Variants in RECQL5 observed in about 807,000 individuals in gnomAD.
RECQL5 encodes RecQ like helicase 5.
A neutral mutation model predicts 103.4 loss-of-function variants in RECQL5; 88 were observed. That is an observed-to-expected ratio of 0.85 (90% CI 0.72 to 1.02). RECQL5 has a LOEUF of 1.02. Ranked by LOEUF, RECQL5 falls within the 50% of genes least tolerant of loss-of-function variation. The pLI is 0.00. For synonymous variants in RECQL5, 552 were observed against 507.9 expected, an observed-to-expected ratio of 1.09 and a Z score of -1.17; for missense variants, 1,232 against 1,284.3, an observed-to-expected ratio of 0.96 and a Z score of 0.62.
Position 75,662,506 on chromosome 17 carries a change from C to A in RECQL5, c.744G>T (p.Lys248Asn). ...CTTTATCAGCCTCCTGTCCAAGAGC[C>A]TTAAGGCAGAAGTCCTTCAGGTTCC... ...PYGNLKDFCL[K>N]ALGQEADKGL... Residue 248 changes from lysine to asparagine, a missense_variant, in exon 4 of 20, where the codon AAG (lysine) becomes AAT (asparagine). Lys to Asn is a moderately conservative substitution (Grantham distance 94). Transcript: ENST00000317905. The A allele has an allele frequency of 6.2e-7, 1 of 1,614,096 alleles. No individual in the cohort carries two copies. The highest frequency in any genetic ancestry group is 8.5e-7 in the Non-Finnish European group (1 of 1,180,004).
At chr17:75,644,464 A>AT (rs2059466644) in intron 8 of RECQL5, among the ~76,000 whole-genome samples, 1 of 151,834 alleles carries the variant, frequency 6.6e-6, no homozygotes, top group Admixed American at 6.6e-5. Flanking sequence ...AAAATTAGCC[A>AT]GGTGTGGTAG....
chr17:75,640,905 G>T lies in RECQL5; in HGVS notation c.1230-9237C>A. ...CAGCCGACACCACCATGACGGACGGGCGATGGCTGAGGAGAAGCTGGAGAG... is the reference window on the plus strand; with the variant it reads ...CAGCCGACACCACCATGACGGACGGTCGATGGCTGAGGAGAAGCTGGAGAG... On this transcript the variant is annotated intron_variant, in intron 8 of 19. Transcript: ENST00000317905. This position sits in a 1 kb window ranked among gnomAD's most constrained non-coding sequence, Gnocchi z 4.6. The T allele has an allele frequency of 1.3e-6, 2 of 1,542,124 alleles. No homozygotes were observed. The highest frequency in any genetic ancestry group is 8.7e-7 in the Non-Finnish European group (1 of 1,146,618).
intron 5 of RECQL5, 40 bp downstream of exon 5, chr17:75,661,566 C>T (rs2059699774): frequency 7.0e-7 from 1 of 1,419,886 alleles, no homozygotes; most frequent in Admixed American, 1.7e-5. Flanking sequence ...TAAGAAGCCT[C>T]TGAGGGTGAA....
intron 7 of RECQL5, among the ~76,000 whole-genome samples, chr17:75,657,832 G>T (rs972577643): frequency 6.6e-6 from 1 of 150,734 alleles, no homozygotes; most frequent in Non-Finnish European, 1.5e-5. Context: ...GGCGGATCAC[G>T]AGGTCATGAG....
intron 7 of RECQL5, among the ~76,000 whole-genome samples, chr17:75,653,360 T>C (rs1301074082): frequency 6.6e-6 from 1 of 152,194 alleles, no homozygotes; most frequent in Non-Finnish European, 1.5e-5. Context: ...GGCAGCCAAC[T>C]TCCTTCCTTG....
intron 6 of RECQL5, among the ~76,000 whole-genome samples, chr17:75,660,040 G>A (rs1053207871): frequency 6.6e-6 from 1 of 152,082 alleles, no homozygotes; most frequent in African/African-American, 2.4e-5. Flanking sequence ...TTAATGATGG[G>A]AATACATATT....
intron 1 of RECQL5, 116 bp from the exon 2 acceptor site, chr17:75,666,687 ATTATTT>A: frequency 2.0e-6 from 2 of 1,012,660 alleles, no homozygotes; most frequent in Non-Finnish European, 2.9e-6. Flanking sequence ...TAAATAATGT[ATTATTT>A]TTAAGTAATA....
intron 8 of RECQL5, among the ~76,000 whole-genome samples, chr17:75,648,183 C>T: frequency 6.6e-6 from 1 of 151,978 alleles, no homozygotes; most frequent in East Asian, 1.9e-4. Context: ...ACATGCTATT[C>T]TCATTGACCG....
intron 6 of RECQL5, among the ~76,000 whole-genome samples, chr17:75,659,403 G>A (rs139239733): frequency 3.9e-5 from 6 of 152,244 alleles, no homozygotes; most frequent in Admixed American, 2.0e-4. Context: ...TGTTGCACAC[G>A]CTAGAGTACA....
At chr17:75,628,178 C>T (rs2059137800) in intron 18 of RECQL5, 40 bp downstream of exon 18, 1 of 1,558,664 alleles carries the variant, frequency 6.4e-7, no homozygotes, top group Admixed American at 1.7e-5. Flanking sequence ...CCCACATACC[C>T]CAGGCATGGG....
intron 6 of RECQL5, among the ~76,000 whole-genome samples, chr17:75,659,945 G>C (rs1157130197): frequency 6.6e-6 from 1 of 152,186 alleles, no homozygotes; most frequent in Admixed American, 6.5e-5. Context: ...TAGACTATTA[G>C]TAAGCAATAA....
At chr17:75,663,352 G>T (rs2059724097) in intron 3 of RECQL5, among the ~76,000 whole-genome samples, 1 of 151,664 alleles carries the variant, frequency 6.6e-6, no homozygotes, top group African/African-American at 2.4e-5. Context: ...ACATGACGTT[G>T]TGCACATGTA....
At chr17:75,642,837 A>G (rs1211326895) in intron 8 of RECQL5, among the ~76,000 whole-genome samples, 3 of 152,212 alleles carry the variant, frequency 2.0e-5, no homozygotes, top group South Asian at 2.1e-4. Flanking sequence ...TCTACATTCA[A>G]CCAGCTGAAA....
chr17:75,650,641 C>CA (rs1451168579), intron 8 of RECQL5: 1 of 1,613,550 alleles, frequency 6.2e-7, no homozygotes, highest in East Asian at 2.2e-5. Context: ...TGCAGGCACT[C>CA]ACAGCTCCGC....
In RECQL5 at chr17:75,630,174, C is replaced by G; in HGVS notation, c.1812+10G>C. On this transcript the variant is annotated intron_variant, in intron 14 of 19. Coordinates refer to ENST00000317905, the MANE Select transcript of RECQL5 (RefSeq NM_004259.7). The stretch of plus-strand genomic sequence containing the variant: ...TGCAACGACCCTGGGTCCGCCTGCA[C>G]CAGGCCCACCTTCTTCAGCACGCTG... 1.3e-6 allele frequency: 2 copies of G among 1,539,700 alleles called. No individual in the cohort carries two copies. The highest frequency in any genetic ancestry group is 2.4e-5 in the South Asian group (2 of 82,336).
chr17:75,633,867 G>C, intron 8 of RECQL5: 3 of 994,568 alleles, frequency 3.0e-6, no homozygotes. Flanking sequence ...GAGTCGGGGA[G>C]AGGGAGAGGA....
chr17:75,634,886 C>A (rs1475667427), intron 8 of RECQL5, among the ~76,000 whole-genome samples: 1 of 152,194 alleles, frequency 6.6e-6, no homozygotes, highest in Non-Finnish European at 1.5e-5. Context: ...GGAGGGACCA[C>A]GCTGGCAACC....
intron 7 of RECQL5, among the ~76,000 whole-genome samples, chr17:75,657,556 T>G (rs1568281619): frequency 6.6e-6 from 1 of 151,758 alleles, no homozygotes; most frequent in African/African-American, 2.4e-5. Flanking sequence ...ATGAGACCAG[T>G]CTGGGCACCA....
chr17:75,650,695 T>C, intron 8 of RECQL5: 4 of 1,613,974 alleles, frequency 2.5e-6, no homozygotes, highest in Non-Finnish European at 3.4e-6. Flanking sequence ...CCTCAGACTC[T>C]TTCCGTGGCC....
Sources: allele counts gnomAD v4.1 joint callset (sites outside exome capture counted in the v4.1 genomes callset), GRCh38; gene constraint gnomAD v4.1.1; non-coding constraint Gnocchi (gnomAD v3.1); transcripts MANE v1.5; gene names NCBI Gene and HGNC (gene_info 2026-07-23, HGNC 2026-07-21).